Variants in PCDHGB1 observed in about 807,000 individuals in gnomAD.
PCDHGB1 encodes protocadherin gamma subfamily B, 1, also known as protocadherin gamma-B1.
Under a neutral mutation model 56.6 loss-of-function variants are expected in PCDHGB1, and 34 were observed. The ratio of observed to expected loss-of-function variants is 0.60; its 90% CI spans 0.46 to 0.80. The LOEUF is 0.80. PCDHGB1 is among the 30% of genes least tolerant of loss of function. The pLI, the probability that PCDHGB1 is intolerant of heterozygous loss-of-function variation, is 0.00. For missense variants in PCDHGB1, 1,278 were observed against 1,204.6 expected, an observed-to-expected ratio of 1.06 and a Z score of -0.90; for synonymous variants, 561 against 505.9, an observed-to-expected ratio of 1.11 and a Z score of -1.46.
chr5:141,438,063 A>T (rs540817874), intron 1 of PCDHGB1, among the ~76,000 whole-genome samples: 1 of 152,106 alleles, frequency 6.6e-6, no homozygotes, highest in Non-Finnish European at 1.5e-5. Context: ...CTTTTAAGAA[A>T]CCATACTTAA....
intron 1 of PCDHGB1, chr5:141,415,974 CAA>C (rs1192315813): frequency 2.7e-6 from 1 of 375,644 alleles, no homozygotes; most frequent in Non-Finnish European, 4.4e-6. Context: ...GCCCCTTAAG[CAA>C]CCCTCTTGTT....
chr5:141,362,095 C>T (rs771113210), intron 1 of PCDHGB1: 36 of 1,613,738 alleles, frequency 2.2e-5, no homozygotes, highest in Non-Finnish European at 7.6e-6. Flanking sequence ...ACAGCCGCCA[C>T]TCTCCGCTAC....
chr5:141,376,763 T>A (rs1300525391), intron 1 of PCDHGB1: 1 of 425,102 alleles, frequency 2.4e-6, no homozygotes. Context: ...CTCGGCTCAC[T>A]GCAAGCTCCG....
rs145484670 is a variant in PCDHGB1 at position 141,469,912 on chromosome 5, C to T, written c.2410-24895C>T. Among the ~76,000 whole-genome samples, 674 of 152,288 alleles carry T rather than the reference C, an allele frequency of 4.4e-3. 6 individuals are homozygous for T. The highest frequency in any genetic ancestry group is 0.015 in the African/African-American group (642 of 41,562). On this transcript the variant is annotated intron_variant, in intron 1 of 3. Transcript: ENST00000523390. ...TTGGGAAGCCGAGGCAGGCAGACCA[C>T]CCGAGGTCAGGAGTTTGAGACCAGC...
chr5:141,418,045 G>C (rs754041387), intron 1 of PCDHGB1: 2 of 1,614,002 alleles, frequency 1.2e-6, no homozygotes, highest in Admixed American at 1.7e-5. Context: ...TGGATGTGTC[G>C]GCTCGCGAGC....
chr5:141,405,359 G>A, intron 1 of PCDHGB1: 2 of 1,614,018 alleles, frequency 1.2e-6, no homozygotes, highest in Non-Finnish European at 1.7e-6. Context: ...TCCTATAGAA[G>A]ACACCCCTTT....
In PCDHGB1 at chr5:141,405,345, A is replaced by G. The variant is rs758657243; in HGVS notation, c.2409+52676A>G. 3 of 1,613,944 alleles carry G rather than the reference A, an allele frequency of 1.9e-6. No homozygotes were observed. In the South Asian group the frequency reaches 3.3e-5, roughly 18 times the overall value. On this transcript the variant is annotated intron_variant, in intron 1 of 3. Coordinates refer to ENST00000523390, the MANE Select transcript of PCDHGB1 (RefSeq NM_018922.3). ...CCTTTGTGCGTCTCTGTTGATTCCA[A>G]GTTTCCTATAGAAGACACCCCTTTG...
intron 1 of PCDHGB1, chr5:141,423,426 G>A: frequency 6.2e-7 from 1 of 1,614,028 alleles, no homozygotes; most frequent in Non-Finnish European, 8.5e-7. Context: ...AAGGCGGGTT[G>A]GCAGGTATGC....
At chr5:141,382,883 A>G in intron 1 of PCDHGB1, 5 of 1,528,792 alleles carry the variant, frequency 3.3e-6, no homozygotes, top group Non-Finnish European at 4.4e-6. Context: ...CGCCTAAGCA[A>G]GAGAAGCAGG....
chr5:141,394,987 T>G (rs2093144127), intron 1 of PCDHGB1: 1 of 1,613,874 alleles, frequency 6.2e-7, no homozygotes, highest in South Asian at 1.1e-5. Context: ...TCACGCCTGC[T>G]CCAGGATTCC....
rs1012728568 is a variant in PCDHGB1 at position 141,495,487 on chromosome 5, T to C, written c.2468+622T>C. Among the ~76,000 whole-genome samples, 22 of 152,328 alleles carry C rather than the reference T, an allele frequency of 1.4e-4. 1 individual carries two copies. The East Asian group carries it at 4.1e-3, about 28-fold the overall frequency. ...GGGGTCTCCGTGTCTCTGCCCCTTT[T>C]TCTTGAGTTTCCGTCTTTGCCACTT... On this transcript the variant is annotated intron_variant, in intron 2 of 3. Coordinates refer to ENST00000523390, the MANE Select transcript of PCDHGB1 (RefSeq NM_018922.3).
At position 141,432,458 on chromosome 5, in the gene PCDHGB1, C is replaced by T. The variant is rs1368524835; in HGVS notation, c.2410-62349C>T. 1.9e-6 allele frequency: 3 copies of T among 1,614,136 alleles called. No individual in the cohort carries two copies. The highest frequency in any genetic ancestry group is 8.5e-7 in the Non-Finnish European group (1 of 1,180,066). ...TGCGCCCGAGATCCTGTACCCCGCC[C>T]TCCCCACGGACGGTTCCACTGGCGT... On this transcript the variant is annotated intron_variant, in intron 1 of 3. Transcript: ENST00000523390. This position sits in a 1 kb window ranked among gnomAD's most constrained non-coding sequence, Gnocchi z 6.0.
chr5:141,473,029 G>A (rs62379204), intron 1 of PCDHGB1, among the ~76,000 whole-genome samples: 15,982 of 147,800 alleles, frequency 0.11, 873 homozygotes, highest in South Asian at 0.15. Flanking sequence ...AAGGAAGGAA[G>A]GAAGGAAAGA....
rs758409280 is a variant in PCDHGB1, at chr5:141,366,109, G to A, written c.2409+13440G>A. ...GCTACCTGGTGACCAAGGTGGTAGC[G>A]GTGGACAAAGATTCAGGCCAGAACG... On this transcript the variant is annotated intron_variant, in intron 1 of 3. Transcript: ENST00000523390. 1.4e-5 allele frequency: 23 copies of A among 1,614,104 alleles called. No individual in the cohort carries two copies. The Admixed American group carries it at 2.2e-4, about 15-fold the overall frequency.
intron 1 of PCDHGB1, chr5:141,366,740 C>T (rs541987209): frequency 1.9e-5 from 30 of 1,611,948 alleles, no homozygotes; most frequent in Non-Finnish European, 2.3e-5. Context: ...CAAAGAAGAA[C>T]GGCGAGTTCA....
rs1193620622 is a variant in PCDHGB1, at chr5:141,512,906, G to A, written c.*1733G>A. On this transcript the variant is annotated 3_prime_UTR_variant, in exon 4 of 4. Coordinates refer to ENST00000523390, the MANE Select transcript of PCDHGB1 (RefSeq NM_018922.3). ...CACCCTCTTCCTGTGTCTCACGCAA[G>A]TTTTATACTCTAATATTTATATGGC... 2.0e-5 allele frequency: 3 copies of A among 152,206 alleles called. No homozygotes were observed. Among genetic ancestry groups the A allele is most frequent in the African/African-American group, 7.2e-5 (3 of 41,438 alleles). The allele number at this position is 152,206 out of a possible 1,614,324, so 9.4% of individuals were successfully genotyped here.
At chr5:141,395,500 TAAG>T (rs1227202502) in intron 1 of PCDHGB1, 3 of 471,360 alleles carry the variant, frequency 6.4e-6, no homozygotes, top group Non-Finnish European at 1.1e-5. Flanking sequence ...CTCATTCACT[TAAG>T]AAGTAGCTAC....
At chr5:141,465,840 A>G (rs1212861707) in intron 1 of PCDHGB1, among the ~76,000 whole-genome samples, 1 of 151,734 alleles carries the variant, frequency 6.6e-6, no homozygotes, top group Non-Finnish European at 1.5e-5. Context: ...ATTTCAACTG[A>G]GGCTGGGCCC....
Position 141,429,441 on chromosome 5 carries a change from T to C in PCDHGB1, c.2410-65366T>C, listed in dbSNP as rs541676798. On this transcript the variant is annotated intron_variant, in intron 1 of 3. Transcript: ENST00000523390. ...TGTTGCCCAGGCTGGACTCAAACTCTTGGGCTACAGTAATCCTCCCACCTC... is the reference window on the plus strand; with the variant it reads ...TGTTGCCCAGGCTGGACTCAAACTCCTGGGCTACAGTAATCCTCCCACCTC... 1.5e-4 allele frequency among the ~76,000 whole-genome samples: 23 copies of C among 152,170 alleles called. No individual in the cohort carries two copies. The South Asian group carries it at 4.6e-3, about 30-fold the overall frequency.
Sources: gnomAD v4.1 joint callset for allele counts (sites outside exome capture counted in the v4.1 genomes callset) on GRCh38, gnomAD v4.1.1 for gene constraint, Gnocchi (gnomAD v3.1) non-coding constraint, MANE v1.5 for transcripts, NCBI Gene and HGNC (gene_info 2026-07-23, HGNC 2026-07-21) for gene names.